The following ARHGAP10 variants were observed in gnomAD, a reference collection of about 807,000 sequenced individuals.
ARHGAP10 encodes the protein Rho GTPase activating protein 10, also known as rho GTPase-activating protein 10.
A neutral mutation model predicts 108.6 loss-of-function variants in ARHGAP10; 87 were observed. The observed-to-expected ratio is 0.80, with a 90% CI of 0.67 to 0.96. The LOEUF is 0.96. Ranked by LOEUF, ARHGAP10 falls within the 40% of genes least tolerant of loss-of-function variation. The pLI, the probability that ARHGAP10 is intolerant of heterozygous loss-of-function variation, is 0.00. For missense variants in ARHGAP10, 939 were observed against 954.5 expected (o/e 0.98, Z 0.21); for synonymous variants, 347 against 341.1 (o/e 1.02, Z -0.19).
At chr4:148,057,582 A>G (rs572786215) in intron 20 of ARHGAP10, among the ~76,000 whole-genome samples, 10 of 152,344 alleles carry the variant, frequency 6.6e-5, no homozygotes, top group African/African-American at 2.2e-4. Context: ...TGTGCCTCAC[A>G]TGAGCCTGGG....
At chr4:147,967,283 T>C (rs938284468) in intron 18 of ARHGAP10, among the ~76,000 whole-genome samples, 1 of 152,198 alleles carries the variant, frequency 6.6e-6, no homozygotes, top group African/African-American at 2.4e-5. Flanking sequence ...ATGAGCATCA[T>C]TGAGAGTAGG....
chr4:147,976,092 C>CTA (rs1241350299), intron 18 of ARHGAP10, among the ~76,000 whole-genome samples: 3 of 152,168 alleles, frequency 2.0e-5, no homozygotes, highest in African/African-American at 4.8e-5. Flanking sequence ...AATATATGTC[C>CTA]TATCCCTCTT....
At chr4:148,026,652 AG>A (rs1727869958) in intron 19 of ARHGAP10, among the ~76,000 whole-genome samples, 1 of 152,098 alleles carries the variant, frequency 6.6e-6, no homozygotes, top group Non-Finnish European at 1.5e-5. Context: ...GTATCTGGCT[AG>A]TTTTCTTAAA....
At chr4:147,908,752 A>G (rs1736607967) in intron 11 of ARHGAP10, among the ~76,000 whole-genome samples, 1 of 152,232 alleles carries the variant, frequency 6.6e-6, no homozygotes, top group African/African-American at 2.4e-5. Context: ...AGAATACAGC[A>G]GTTTCCTTAT....
intron 18 of ARHGAP10, among the ~76,000 whole-genome samples, chr4:148,003,989 A>T (rs1363947533): frequency 8.7e-6 from 1 of 114,302 alleles, no homozygotes; most frequent in Non-Finnish European, 1.7e-5. Flanking sequence ...GGGAGGAACT[A>T]CGTGGTTTTC....
At chr4:147,826,845 G>A (rs1732728142) in intron 3 of ARHGAP10, among the ~76,000 whole-genome samples, 1 of 152,042 alleles carries the variant, frequency 6.6e-6, no homozygotes, top group Non-Finnish European at 1.5e-5. Flanking sequence ...TCATATTCAA[G>A]TTTTCCTGAT....
Position 148,071,980 on chromosome 4 carries a change from TC to T in ARHGAP10, c.2273-12del. The T allele has an allele frequency of 6.2e-7, 1 of 1,609,758 alleles. No homozygotes were observed. The highest frequency in any genetic ancestry group is 2.2e-5 in the East Asian group (1 of 44,738). Reference sequence around the variant, plus strand: ...GGGCATTTTGTAAAAGTGATTTTTCTCTTCCTTTTCAGTACAAACCTCCAGG... The same window carrying T: ...GGGCATTTTGTAAAAGTGATTTTTCTTTCCTTTTCAGTACAAACCTCCAGG... On this transcript the variant is annotated splice_polypyrimidine_tract_variant and intron_variant, in intron 22 of 22. Transcript: ENST00000336498.
At chr4:147,751,693 T>C (rs1275423355) in intron 1 of ARHGAP10, among the ~76,000 whole-genome samples, 2 of 151,254 alleles carry the variant, frequency 1.3e-5, no homozygotes, top group African/African-American at 4.9e-5. Context: ...GGAGCACTTG[T>C]GTTTCAGAGA....
At chr4:148,065,824 A>G (rs1404740883) in intron 22 of ARHGAP10, among the ~76,000 whole-genome samples, 1 of 152,134 alleles carries the variant, frequency 6.6e-6, no homozygotes, top group African/African-American at 2.4e-5. Context: ...GGTAACAAAA[A>G]TTGACACAAC....
chr4:147,749,024 A>T (rs1398636808), intron 1 of ARHGAP10, among the ~76,000 whole-genome samples: 2 of 152,142 alleles, frequency 1.3e-5, no homozygotes, highest in African/African-American at 4.8e-5. Context: ...ACTTTATTAG[A>T]CCTGTTTTGA....
At chr4:148,065,821 A>G (rs1729844159) in intron 22 of ARHGAP10, among the ~76,000 whole-genome samples, 1 of 152,134 alleles carries the variant, frequency 6.6e-6, no homozygotes, top group South Asian at 2.1e-4. Flanking sequence ...GCAGGTAACA[A>G]AAATTGACAC....
At chr4:147,732,699 C>CGGGCCCCGCCT (rs776564438) in intron 1 of ARHGAP10, among the ~76,000 whole-genome samples, 7 of 151,506 alleles carry the variant, frequency 4.6e-5, no homozygotes, top group South Asian at 2.1e-4. Flanking sequence ...CAGCTGCCAG[C>CGGGCCCCGCCT]GGGCCCCGCC....
At chr4:148,037,718 C>T (rs1412952433) in intron 19 of ARHGAP10, among the ~76,000 whole-genome samples, 1 of 151,898 alleles carries the variant, frequency 6.6e-6, no homozygotes, top group African/African-American at 2.4e-5. Context: ...GCCTGTAATC[C>T]CAGCTACTTG....
chr4:147,821,634 A>G (rs1732501480), intron 1 of ARHGAP10, among the ~76,000 whole-genome samples: 1 of 152,230 alleles, frequency 6.6e-6, no homozygotes, highest in Admixed American at 6.5e-5. Context: ...AGCAGGGGCT[A>G]TATGGGGAGC....
chr4:147,870,742 C>G (rs963174907), intron 7 of ARHGAP10, among the ~76,000 whole-genome samples: 4 of 152,036 alleles, frequency 2.6e-5, no homozygotes, highest in Non-Finnish European at 5.9e-5. Context: ...ATTTCTGTCT[C>G]CCGAAGAATG....
At chr4:147,954,748 C>T (rs546665398) in intron 15 of ARHGAP10, among the ~76,000 whole-genome samples, 154 of 151,998 alleles carry the variant, frequency 1.0e-3, no homozygotes, top group African/African-American at 3.6e-3. Flanking sequence ...AATAAACTAC[C>T]TTATGTAACT....
At chr4:148,017,805 A>G (rs1038296781) in intron 18 of ARHGAP10, among the ~76,000 whole-genome samples, 5 of 152,140 alleles carry the variant, frequency 3.3e-5, no homozygotes, top group African/African-American at 7.2e-5. Context: ...GTTGTGTGCT[A>G]AAGCAAAATT....
chr4:147,978,442 G>A (rs1456814034), intron 18 of ARHGAP10, among the ~76,000 whole-genome samples: 2 of 152,166 alleles, frequency 1.3e-5, no homozygotes, highest in Non-Finnish European at 2.9e-5. Context: ...AATTCCCAGT[G>A]TTGAGGGAGG....
chr4:147,995,411 A>C (rs543201553), intron 18 of ARHGAP10, among the ~76,000 whole-genome samples: 6 of 152,204 alleles, frequency 3.9e-5, no homozygotes, highest in Non-Finnish European at 8.8e-5. Flanking sequence ...ACTGTAATAA[A>C]AATATGTGAT....
Sources: gnomAD v4.1 joint callset for allele counts (sites outside exome capture counted in the v4.1 genomes callset) on GRCh38, gnomAD v4.1.1 for gene constraint, MANE v1.5 for transcripts, NCBI Gene and HGNC (gene_info 2026-07-23, HGNC 2026-07-21) for gene names.